CNGB3: variants seen among roughly 807,000 people sequenced by gnomAD.
CNGB3 encodes cyclic nucleotide-gated channel beta-3.
In CNGB3, 86 loss-of-function variants were observed where a neutral mutation model predicts 92.8. That is an observed-to-expected ratio of 0.93 (90% CI 0.78 to 1.11). CNGB3 has a LOEUF of 1.11. Ranked by LOEUF, CNGB3 falls within the 50% of genes least tolerant of loss-of-function variation. The probability of loss-of-function intolerance (pLI) is 0.00; values close to 1 mark genes in which losing one functional copy is unlikely to be tolerated. For synonymous variants in CNGB3, 333 were observed against 332.7 expected (o/e 1.00, Z -0.01); for missense variants, 1,026 against 956.8 (o/e 1.07, Z -0.95).
chr8:86,576,419 C>A (rs1821663520), intron 17 of CNGB3, among the ~76,000 whole-genome samples: 1 of 152,188 alleles, frequency 6.6e-6, no homozygotes, highest in Admixed American at 6.5e-5. Flanking sequence ...AATTATTAGA[C>A]TCAGTGCTCA....
intron 3 of CNGB3, among the ~76,000 whole-genome samples, chr8:86,724,968 C>T (rs1302096493): frequency 6.6e-6 from 1 of 152,030 alleles, no homozygotes; most frequent in Admixed American, 6.6e-5. Context: ...GAGGTCATGT[C>T]AAGAAGTTTT....
intron 7 of CNGB3, among the ~76,000 whole-genome samples, chr8:86,649,317 A>G (rs1823353516): frequency 6.6e-6 from 1 of 151,720 alleles, no homozygotes; most frequent in South Asian, 2.1e-4. Flanking sequence ...AGAAAAAACA[A>G]TTCTAAAATT....
intron 3 of CNGB3, among the ~76,000 whole-genome samples, chr8:86,690,726 G>A (rs13259658): frequency 0.69 from 103,682 of 151,020 alleles, 36,344 homozygotes; most frequent in African/African-American, 0.83. Flanking sequence ...ATCTTGAATT[G>A]ATTTTTGTAT....
intron 15 of CNGB3, among the ~76,000 whole-genome samples, chr8:86,587,329 C>T (rs935749700): frequency 1.4e-4 from 21 of 152,252 alleles, no homozygotes; most frequent in African/African-American, 4.8e-4. Flanking sequence ...CGTGCAGAAG[C>T]TCTTTAGTTT....
At chr8:86,725,606 G>A (rs1031266908) in intron 3 of CNGB3, among the ~76,000 whole-genome samples, 1 of 152,068 alleles carries the variant, frequency 6.6e-6, no homozygotes, top group South Asian at 2.1e-4. Context: ...TCAAATTTGT[G>A]TTTATCGAAA....
chr8:86,611,699 A>T, intron 13 of CNGB3, 28 bp from the exon 14 acceptor site: 1 of 1,489,634 alleles, frequency 6.7e-7, no homozygotes. Flanking sequence ...TAATTCTTAT[A>T]GAAACAACTA....
intron 2 of CNGB3, among the ~76,000 whole-genome samples, chr8:86,728,667 C>T (rs895702957): frequency 6.6e-5 from 10 of 152,036 alleles, no homozygotes; most frequent in Non-Finnish European, 7.4e-5. Context: ...TCCTTGAAGC[C>T]GTATGTTGTA....
intron 6 of CNGB3, chr8:86,661,820 A>G (rs1823645307): frequency 6.5e-7 from 1 of 1,537,752 alleles, no homozygotes; most frequent in Non-Finnish European, 9.0e-7. Flanking sequence ...GACGAAGGTA[A>G]TTGTTGTTCT....
At chr8:86,578,970 C>A in intron 16 of CNGB3, 107 bp from the exon 17 acceptor site, 2 of 1,538,882 alleles carry the variant, frequency 1.3e-6, no homozygotes, top group South Asian at 2.2e-5. Flanking sequence ...CAATGGGTAC[C>A]TACATTAATA....
chr8:86,679,409 C>T (rs1229331562), intron 3 of CNGB3, among the ~76,000 whole-genome samples: 2 of 152,100 alleles, frequency 1.3e-5, no homozygotes, highest in Non-Finnish European at 2.9e-5. Flanking sequence ...CCTAATGTGA[C>T]TGAATTTGGA....
At position 86,647,794 on chromosome 8, in the gene CNGB3, A is replaced by G. The variant is rs1391435155; in HGVS notation, c.990+7T>C. 2 of 1,358,546 alleles carry G rather than the reference A, an allele frequency of 1.5e-6. No individual in the cohort carries two copies. Among genetic ancestry groups the G allele is most frequent in the East Asian group, 4.6e-5 (2 of 43,502 alleles). The allele number at this position is 1,358,546 out of a possible 1,614,324, so 84.2% of individuals were successfully genotyped here. ...AGGGAAAAGACAATTAAATATAGTT[A>G]TCTTACCTTTAACATCCTATTTGCT... On this transcript the variant is annotated splice_region_variant and intron_variant, in intron 8 of 17. Transcript: ENST00000320005.
intron 10 of CNGB3, among the ~76,000 whole-genome samples, chr8:86,635,244 C>T (rs1457111173): frequency 1.3e-5 from 2 of 151,890 alleles, no homozygotes; most frequent in Non-Finnish European, 2.9e-5. Context: ...CGGTTTTGGA[C>T]CTGTGGGTCT....
At chr8:86,606,061 C>T (rs773105185) in intron 14 of CNGB3, among the ~76,000 whole-genome samples, 2 of 151,978 alleles carry the variant, frequency 1.3e-5, no homozygotes, top group African/African-American at 2.4e-5. Context: ...GCCTAGAACC[C>T]ACATCTCCTA....
At position 86,741,220 on chromosome 8, in the gene CNGB3, A is replaced by T. The variant is rs1993541; in HGVS notation, c.130-1484T>A. Among the ~76,000 whole-genome samples the T allele has an allele frequency of 5.4e-3, 815 of 152,314 alleles. 4 individuals are homozygous for T. Among genetic ancestry groups the T allele is most frequent in the Non-Finnish European group, 8.0e-3 (546 of 68,028 alleles). On this transcript the variant is annotated intron_variant, in intron 1 of 17. Transcript: ENST00000320005. Reference sequence around the variant, plus strand: ...GGCTTATTGTTTAAATGCCATTTTGAAAGGTCGAATTCCGTGAAAGAAAAC... The same window carrying T: ...GGCTTATTGTTTAAATGCCATTTTGTAAGGTCGAATTCCGTGAAAGAAAAC...
intron 10 of CNGB3, among the ~76,000 whole-genome samples, chr8:86,642,802 T>C (rs1263375003): frequency 6.6e-6 from 1 of 151,646 alleles, no homozygotes; most frequent in African/African-American, 2.4e-5. Flanking sequence ...CAAGTGATCT[T>C]TTTTTATTTC....
chr8:86,590,145 G>A lies in CNGB3; in HGVS notation c.1782-10893C>T, dbSNP rs1213012359. Reference sequence around the variant, plus strand: ...TTTTGGTTTCAAGTCTGTTTTATCAGAGACTAGGATTGCAACCCCTGCCTT... The same window carrying A: ...TTTTGGTTTCAAGTCTGTTTTATCAAAGACTAGGATTGCAACCCCTGCCTT... On this transcript the variant is annotated intron_variant, in intron 15 of 17. Coordinates refer to ENST00000320005, the MANE Select transcript of CNGB3 (RefSeq NM_019098.5). 3.9e-5 allele frequency among the ~76,000 whole-genome samples: 6 copies of A among 152,036 alleles called. No individual in the cohort carries two copies. In the South Asian group the frequency reaches 1.3e-3, roughly 32 times the overall value.
At chr8:86,646,857 T>A (rs1823298898) in intron 8 of CNGB3, among the ~76,000 whole-genome samples, 1 of 151,216 alleles carries the variant, frequency 6.6e-6, no homozygotes, top group African/African-American at 2.4e-5. Flanking sequence ...AGTATTTATG[T>A]CTTATAACCA....
rs145296274 is a variant in CNGB3, at chr8:86,741,133, A to G, written c.130-1397T>C. Among the ~76,000 whole-genome samples the G allele has an allele frequency of 7.9e-5, 12 of 152,290 alleles. No homozygotes were observed. In the East Asian group the frequency reaches 1.9e-3, roughly 24 times the overall value. On this transcript the variant is annotated intron_variant, in intron 1 of 17. Coordinates refer to ENST00000320005, the MANE Select transcript of CNGB3 (RefSeq NM_019098.5). ...TGACTCTTTAAAAAACACAACATAC[A>G]TTGATATATTTATTCCTAGATATTT...
At chr8:86,663,460 C>T (rs1351133008) in intron 6 of CNGB3, among the ~76,000 whole-genome samples, 1 of 152,186 alleles carries the variant, frequency 6.6e-6, no homozygotes, top group African/African-American at 2.4e-5. Flanking sequence ...GTAAGGCCTC[C>T]TGGTTTCTAT....
Sources: gnomAD v4.1 joint callset for allele counts (sites outside exome capture counted in the v4.1 genomes callset) on GRCh38, gnomAD v4.1.1 for gene constraint, MANE v1.5 for transcripts, NCBI Gene and HGNC (gene_info 2026-07-23, HGNC 2026-07-21) for gene names.